The following FAM135A variants were observed in gnomAD, a reference collection of about 807,000 sequenced individuals.
FAM135A encodes the protein protein FAM135A.
Under a neutral mutation model 146.8 loss-of-function variants are expected in FAM135A, and 79 were observed. The ratio of observed to expected loss-of-function variants is 0.54; its 90% CI spans 0.45 to 0.65. The LOEUF (loss-of-function observed/expected upper bound fraction) is 0.65, where lower values mean the gene tolerates loss of function less well. FAM135A is among the 30% of genes least tolerant of loss of function. FAM135A has a pLI of 0.00. For synonymous variants in FAM135A, 562 were observed against 603.6 expected (o/e 0.93, Z 1.01); for missense variants, 1,623 against 1,758.2 (o/e 0.92, Z 1.38).
chr6:70,521,319 G>GTT (rs144149172), intron 12 of FAM135A, among the ~76,000 whole-genome samples: 1 of 151,986 alleles, frequency 6.6e-6, no homozygotes, highest in African/African-American at 2.4e-5. Context: ...TTAAAGATGC[G>GTT]TTTTTTTCAT....
chr6:70,532,359 T>G (rs1795993292), intron 16 of FAM135A, among the ~76,000 whole-genome samples: 1 of 152,252 alleles, frequency 6.6e-6, no homozygotes, highest in African/African-American at 2.4e-5. Flanking sequence ...ATTGTAAGTA[T>G]ATGTGTAGAT....
At chr6:70,517,039 CTG>C (rs1309168979) in intron 12 of FAM135A, among the ~76,000 whole-genome samples, 34 of 152,148 alleles carry the variant, frequency 2.2e-4, no homozygotes, top group African/African-American at 8.0e-4. Context: ...TTGAGTATAA[CTG>C]TGAATGTCTA....
chr6:70,510,762 T>C (rs113695327), intron 12 of FAM135A, among the ~76,000 whole-genome samples: 69 of 152,188 alleles, frequency 4.5e-4, no homozygotes, highest in African/African-American at 1.6e-3. Context: ...TATCTGTTTT[T>C]AGTTATTTGG....
chr6:70,486,758 G>A (rs1784736572), intron 10 of FAM135A, among the ~76,000 whole-genome samples: 1 of 151,996 alleles, frequency 6.6e-6, no homozygotes, highest in Admixed American at 6.6e-5. Flanking sequence ...ATGAAACCAC[G>A]TCTCTACTAA....
intron 18 of FAM135A, 81 bp downstream of exon 18, chr6:70,533,935 G>A: frequency 1.5e-6 from 1 of 665,356 alleles, no homozygotes; most frequent in Middle Eastern, 4.6e-4. Context: ...TGATAGGGTT[G>A]TCCTATTCTG....
chr6:70,435,793 C>A (rs1398425369), intron 4 of FAM135A, among the ~76,000 whole-genome samples: 1 of 152,140 alleles, frequency 6.6e-6, no homozygotes, highest in South Asian at 2.1e-4. Flanking sequence ...AGCTAAGAGT[C>A]AGAAATTCAG....
rs1468293587 is a variant in FAM135A, at chr6:70,532,068, G to A, written c.3776-1092G>A. 5.3e-5 allele frequency among the ~76,000 whole-genome samples: 8 copies of A among 151,164 alleles called. No homozygotes were observed. The East Asian group carries it at 1.6e-3, about 29-fold the overall frequency. ...CGGCTAATTTTTTGTATTTTTAGTA[G>A]GGTTTCACTGTGTTAGCCAGGCTGG... is the stretch of plus-strand genomic sequence containing the variant. On this transcript the variant is annotated intron_variant, in intron 16 of 21. Transcript: ENST00000418814.
At chr6:70,534,202 G>A (rs978684879) in intron 18 of FAM135A, among the ~76,000 whole-genome samples, 18 of 148,334 alleles carry the variant, frequency 1.2e-4, no homozygotes, top group Admixed American at 1.1e-3. Flanking sequence ...ACATTGAATT[G>A]TACACTTTAA....
At chr6:70,536,844 A>G (rs1796881858) in intron 19 of FAM135A, among the ~76,000 whole-genome samples, 1 of 152,024 alleles carries the variant, frequency 6.6e-6, no homozygotes, top group Non-Finnish European at 1.5e-5. Flanking sequence ...TACGAAGGTG[A>G]TTCAGAATTT....
chr6:70,501,552 C>T (rs1788530288), intron 11 of FAM135A, among the ~76,000 whole-genome samples: 1 of 152,200 alleles, frequency 6.6e-6, no homozygotes, highest in Non-Finnish European at 1.5e-5. Flanking sequence ...GAAAAAAACT[C>T]CTGCAGCTAG....
chr6:70,526,746 T>TATATACACACACACACAC, intron 15 of FAM135A, 48 bp downstream of exon 15: 1 of 1,102,168 alleles, frequency 9.1e-7, no homozygotes, highest in Non-Finnish European at 1.3e-6. Context: ...TATACATATA[T>TATATACACACACACACAC]ATATACACAC....
At chr6:70,469,870 T>A (rs970352554) in intron 5 of FAM135A, among the ~76,000 whole-genome samples, 2 of 151,534 alleles carry the variant, frequency 1.3e-5, no homozygotes, top group Non-Finnish European at 2.9e-5. Context: ...CTACAAAAAA[T>A]AAAAAATAAA....
chr6:70,559,314 G>A (rs572216875), intron 21 of FAM135A, among the ~76,000 whole-genome samples: 2 of 152,002 alleles, frequency 1.3e-5, no homozygotes, highest in Non-Finnish European at 2.9e-5. Flanking sequence ...GGTGGTGCAT[G>A]CCTGTAATCC....
intron 4 of FAM135A, among the ~76,000 whole-genome samples, chr6:70,447,402 A>G (rs548920100): frequency 6.6e-6 from 1 of 152,310 alleles, no homozygotes; most frequent in Admixed American, 6.5e-5. Flanking sequence ...ATCTGAATCA[A>G]TGACTCCTGT....
chr6:70,548,671 T>C (rs994176688), intron 20 of FAM135A, among the ~76,000 whole-genome samples: 2 of 152,148 alleles, frequency 1.3e-5, no homozygotes. Flanking sequence ...TGAAGAAATA[T>C]ATAATGCCTT....
At chr6:70,492,692 A>G (rs1582519483) in intron 11 of FAM135A, among the ~76,000 whole-genome samples, 2 of 150,938 alleles carry the variant, frequency 1.3e-5, no homozygotes, top group Non-Finnish European at 3.0e-5. Context: ...GAGGCAGTGT[A>G]CAAATAACAA....
At chr6:70,432,563 A>G (rs181491349) in intron 4 of FAM135A, among the ~76,000 whole-genome samples, 15 of 152,274 alleles carry the variant, frequency 9.9e-5, no homozygotes, top group Non-Finnish European at 1.2e-4. Context: ...TTACTTCTTT[A>G]TAGCCCCCTA....
intron 20 of FAM135A, among the ~76,000 whole-genome samples, chr6:70,542,494 A>G (rs1798122556): frequency 6.6e-6 from 1 of 152,118 alleles, no homozygotes; most frequent in Admixed American, 6.5e-5. Flanking sequence ...TTGATGCCCT[A>G]TCTGATTTAA....
At chr6:70,517,073 ACTT>A (rs535687223) in intron 12 of FAM135A, among the ~76,000 whole-genome samples, 35 of 152,300 alleles carry the variant, frequency 2.3e-4, no homozygotes, top group African/African-American at 7.5e-4. Flanking sequence ...AATTAAAAGT[ACTT>A]CTTTCTGGGA....
Sources: allele counts gnomAD v4.1 joint callset (sites outside exome capture counted in the v4.1 genomes callset), GRCh38; gene constraint gnomAD v4.1.1; transcripts MANE v1.5; gene names NCBI Gene and HGNC (gene_info 2026-07-23, HGNC 2026-07-21).